The following CNTN3 variants were observed in gnomAD, a reference collection of about 807,000 sequenced individuals.
CNTN3 encodes contactin 3, also known as contactin-3.
Under a neutral mutation model 119.1 loss-of-function variants are expected in CNTN3, and 60 were observed. The ratio of observed to expected loss-of-function variants is 0.50; its 90% CI spans 0.41 to 0.62. The LOEUF is 0.62. Among genes scored for constraint, CNTN3 ranks in the 20% least tolerant of loss-of-function variants. CNTN3 has a pLI of 0.00. For missense variants in CNTN3, 1,101 were observed against 1,242.4 expected (o/e 0.89, Z 1.71); for synonymous variants, 450 against 438.7 (o/e 1.03, Z -0.32).
intron 1 of CNTN3, among the ~76,000 whole-genome samples, chr3:74,568,348 T>G (rs1224747009): frequency 1.3e-5 from 2 of 152,196 alleles, no homozygotes; most frequent in African/African-American, 4.8e-5. Context: ...TTCGTCCAAG[T>G]GGACAAAATT....
chr3:74,560,496 A>G (rs533712097), intron 1 of CNTN3, among the ~76,000 whole-genome samples: 1 of 152,316 alleles, frequency 6.6e-6, no homozygotes, highest in African/African-American at 2.4e-5. Flanking sequence ...GAATACATGC[A>G]CATATTTATA....
At chr3:74,404,926 G>C (rs978760482) in intron 5 of CNTN3, among the ~76,000 whole-genome samples, 5 of 151,910 alleles carry the variant, frequency 3.3e-5, no homozygotes, top group African/African-American at 1.2e-4. Flanking sequence ...AACCACTCTA[G>C]TCGAATCCAT....
At chr3:74,377,650 A>C (rs915357835) in intron 5 of CNTN3, among the ~76,000 whole-genome samples, 2 of 152,224 alleles carry the variant, frequency 1.3e-5, no homozygotes, top group Non-Finnish European at 2.9e-5. Flanking sequence ...GCTTTCTATT[A>C]ACAATGCTAT....
chr3:74,278,154 T>C (rs1701918303), intron 20 of CNTN3, among the ~76,000 whole-genome samples: 1 of 152,072 alleles, frequency 6.6e-6, no homozygotes, highest in African/African-American at 2.4e-5. Context: ...TGCTCACGGA[T>C]GGGTAGAATT....
rs377399687 is a variant in CNTN3, at chr3:74,322,446, C to A, written c.1668+12289G>T. Among the ~76,000 whole-genome samples the A allele has an allele frequency of 2.0e-5, 3 of 152,202 alleles. 1 individual carries two copies. Among genetic ancestry groups the A allele is most frequent in the African/African-American group, 7.2e-5 (3 of 41,532 alleles). On this transcript the variant is annotated intron_variant, in intron 13 of 22. Coordinates refer to ENST00000263665, the MANE Select transcript of CNTN3 (RefSeq NM_020872.3). ...GGGAATTGCAAATTAAAACGAGATA[C>A]CACTACATATCTATTAGATTGGCCA...
Position 74,315,979 on chromosome 3 carries a change from G to A in CNTN3, c.1669-13172C>T, listed in dbSNP as rs566533136. ...CTATGTCCTCAAAGGCAATTGCAAC[G>A]TAATCAAAAATTGACAAGTGGGACC... On this transcript the variant is annotated intron_variant, in intron 13 of 22. Transcript: ENST00000263665. Among the ~76,000 whole-genome samples the A allele has an allele frequency of 1.6e-4, 25 of 152,142 alleles. No individual in the cohort carries two copies. The East Asian group carries it at 2.1e-3, about 13-fold the overall frequency.
At chr3:74,288,568 T>C (rs1263445524) in intron 19 of CNTN3, among the ~76,000 whole-genome samples, 3 of 152,212 alleles carry the variant, frequency 2.0e-5, no homozygotes, top group African/African-American at 7.2e-5. Context: ...CATTCTATTA[T>C]GGCACATTAA....
chr3:74,504,591 C>A (rs1224812774), intron 2 of CNTN3, among the ~76,000 whole-genome samples: 1 of 152,086 alleles, frequency 6.6e-6, no homozygotes, highest in Non-Finnish European at 1.5e-5. Context: ...ACAAAGTATT[C>A]GATCTTAGAA....
At chr3:74,320,531 C>T (rs534031171) in intron 13 of CNTN3, among the ~76,000 whole-genome samples, 5 of 151,522 alleles carry the variant, frequency 3.3e-5, no homozygotes, top group East Asian at 1.9e-4. Context: ...GGTGGGGGGA[C>T]GTGGGAGGGA....
intron 19 of CNTN3, among the ~76,000 whole-genome samples, chr3:74,291,045 C>T (rs1262150937): frequency 5.3e-5 from 8 of 151,902 alleles, no homozygotes; most frequent in African/African-American, 1.9e-4. Context: ...GCTATCCCTC[C>T]CCCCTTCCCC....
At chr3:74,508,439 C>A (rs562666900) in intron 2 of CNTN3, among the ~76,000 whole-genome samples, 41 of 151,962 alleles carry the variant, frequency 2.7e-4, no homozygotes, top group African/African-American at 9.9e-4. Flanking sequence ...CTATGGGGTG[C>A]GGAGATTGGG....
intron 5 of CNTN3, among the ~76,000 whole-genome samples, chr3:74,412,560 C>T (rs1559589126): frequency 1.3e-5 from 2 of 152,002 alleles, no homozygotes; most frequent in African/African-American, 2.4e-5. Context: ...ATTTGTAATC[C>T]CTCAGATTGC....
rs753215277 is a variant in CNTN3, at chr3:74,407,264, A to ATTTTTTTTTT, written c.454+17571_454+17580dup. Among the ~76,000 whole-genome samples, 94 of 105,532 alleles carry ATTTTTTTTTT rather than the reference A, an allele frequency of 8.9e-4. 1 individual carries two copies. Among genetic ancestry groups the ATTTTTTTTTT allele is most frequent in the Non-Finnish European group, 1.3e-3 (74 of 55,918 alleles). The allele number at this position is 105,532 out of a possible 152,430, so 69.2% of individuals were successfully genotyped here. A position where few individuals can be genotyped will look rare whatever the true frequency, so the allele number is the denominator to read the frequency against. On this transcript the variant is annotated intron_variant, in intron 5 of 22. Transcript: ENST00000263665. Reference sequence around the variant, plus strand: ...AAAGTATAGCCAGGCCAAATATTCTATTTTTTTTTTTTTTTTTTTTTGAGA... The same window carrying ATTTTTTTTTT: ...AAAGTATAGCCAGGCCAAATATTCTATTTTTTTTTTTTTTTTTTTTTTTTTTTTTTTGAGA...
At chr3:74,595,915 C>T (rs1342542236) in intron 1 of CNTN3, among the ~76,000 whole-genome samples, 42 of 152,042 alleles carry the variant, frequency 2.8e-4, no homozygotes, top group South Asian at 1.2e-3. Context: ...TGTTTGCAGA[C>T]GACATGATAG....
chr3:74,391,990 C>T (rs1253515030), intron 5 of CNTN3, among the ~76,000 whole-genome samples: 2 of 152,050 alleles, frequency 1.3e-5, no homozygotes, highest in East Asian at 3.9e-4. Flanking sequence ...AAGACATTGT[C>T]TTCTAATTTC....
intron 5 of CNTN3, among the ~76,000 whole-genome samples, chr3:74,389,910 ACT>A (rs1704851436): frequency 6.6e-6 from 1 of 152,048 alleles, no homozygotes; most frequent in African/African-American, 2.4e-5. Flanking sequence ...AAGCCTTCTT[ACT>A]CTCTCTGAAA....
chr3:74,533,713 C>T (rs1703724452), intron 1 of CNTN3, among the ~76,000 whole-genome samples: 1 of 151,876 alleles, frequency 6.6e-6, no homozygotes, highest in Non-Finnish European at 1.5e-5. Flanking sequence ...AGAAAGTGAT[C>T]CTCTGAAGCT....
chr3:74,451,083 C>T (rs1021215355), intron 4 of CNTN3, among the ~76,000 whole-genome samples: 4 of 152,022 alleles, frequency 2.6e-5, no homozygotes, highest in Non-Finnish European at 4.4e-5. Flanking sequence ...CCTGAGGAAT[C>T]GCCACACTGA....
At chr3:74,359,031 T>A (rs1055858136) in intron 11 of CNTN3, among the ~76,000 whole-genome samples, 1 of 152,014 alleles carries the variant, frequency 6.6e-6, no homozygotes, top group Non-Finnish European at 1.5e-5. Context: ...TTGGGTTGTG[T>A]ATTCTTATTT....
Sources: allele counts gnomAD v4.1 joint callset (sites outside exome capture counted in the v4.1 genomes callset), GRCh38; gene constraint gnomAD v4.1.1; transcripts MANE v1.5; gene names NCBI Gene and HGNC (gene_info 2026-07-23, HGNC 2026-07-21).